TMEM117: variants seen among roughly 807,000 people sequenced by gnomAD.
TMEM117 encodes transmembrane protein 117.
Under a neutral mutation model 52.4 loss-of-function variants are expected in TMEM117, and 27 were observed. That is an observed-to-expected ratio of 0.51 (90% CI 0.38 to 0.71). TMEM117 has a LOEUF of 0.71. TMEM117 is among the 30% of genes least tolerant of loss of function. The probability of loss-of-function intolerance (pLI) is 0.00; values close to 1 mark genes in which losing one functional copy is unlikely to be tolerated. For missense variants in TMEM117, 556 were observed against 630.5 expected (o/e 0.88, Z 1.26); for synonymous variants, 215 against 206.3 (o/e 1.04, Z -0.36).
intron 6 of TMEM117, among the ~76,000 whole-genome samples, chr12:44,325,326 G>A (rs1420029078): frequency 6.6e-6 from 1 of 152,060 alleles, no homozygotes; most frequent in East Asian, 1.9e-4. Flanking sequence ...GGCAGACATT[G>A]GCCATTCATA....
At chr12:43,819,400 C>T in the TMEM117 span, among the ~76,000 whole-genome samples, 1 of 152,140 alleles carries the variant, frequency 6.6e-6, no homozygotes, top group African/African-American at 2.4e-5. Flanking sequence ...TATTGCATTT[C>T]CCCTTATGGT....
intron 5 of TMEM117, among the ~76,000 whole-genome samples, chr12:44,272,982 C>A (rs1156801022): frequency 1.3e-5 from 2 of 152,116 alleles, no homozygotes; most frequent in Non-Finnish European, 2.9e-5. Flanking sequence ...AAATGTCCAA[C>A]AATGATAGAT....
At chr12:44,088,743 A>G in intron 3 of TMEM117, among the ~76,000 whole-genome samples, 1 of 152,182 alleles carries the variant, frequency 6.6e-6, no homozygotes, top group East Asian at 1.9e-4. Context: ...CTGCTGCAGA[A>G]TTTACCTGGA....
chr12:44,143,490 A>C, intron 3 of TMEM117, 35 bp from the exon 4 acceptor site: 2 of 1,525,798 alleles, frequency 1.3e-6, no homozygotes, highest in Non-Finnish European at 1.8e-6. Flanking sequence ...TGACTCTCTG[A>C]GTCCGGACAA....
chr12:43,966,221 T>C (rs1466509805), intron 3 of TMEM117, among the ~76,000 whole-genome samples: 1 of 152,236 alleles, frequency 6.6e-6, no homozygotes, highest in African/African-American at 2.4e-5. Flanking sequence ...TCTTTCAATC[T>C]GTTTTCTCTT....
At chr12:44,382,086 T>C (rs1051693885) in intron 7 of TMEM117, among the ~76,000 whole-genome samples, 1 of 152,202 alleles carries the variant, frequency 6.6e-6, no homozygotes, top group Admixed American at 6.6e-5. Context: ...GTTAACTATG[T>C]TTACTTCTAT....
chr12:44,319,518 C>T (rs1336770330), intron 6 of TMEM117, among the ~76,000 whole-genome samples: 1 of 152,172 alleles, frequency 6.6e-6, no homozygotes, highest in Admixed American at 6.5e-5. Flanking sequence ...CTGGGACGTC[C>T]TTCACTGTCT....
intron 3 of TMEM117, among the ~76,000 whole-genome samples, chr12:43,984,685 T>C (rs1945817334): frequency 6.6e-6 from 1 of 152,322 alleles, no homozygotes; most frequent in Non-Finnish European, 1.5e-5. Context: ...TTAAACAATT[T>C]GGATGTAATG....
Position 43,997,202 on chromosome 12 carries a change from G to C in TMEM117, c.410+52860G>C, listed in dbSNP as rs190419085. Among the ~76,000 whole-genome samples the C allele has an allele frequency of 1.9e-4, 29 of 152,312 alleles. No individual in the cohort carries two copies. The East Asian group carries it at 4.8e-3, about 25-fold the overall frequency. ...CCAGATATATTTGACTCCAAAACCT[G>C]CATATGCAACCATTAAGATTCATAG... is the stretch of plus-strand genomic sequence containing the variant. On this transcript the variant is annotated intron_variant, in intron 3 of 7. Coordinates refer to ENST00000266534, the MANE Select transcript of TMEM117 (RefSeq NM_032256.3).
intron 3 of TMEM117, among the ~76,000 whole-genome samples, chr12:43,980,960 T>C (rs1348848655): frequency 6.6e-6 from 1 of 152,192 alleles, no homozygotes; most frequent in African/African-American, 2.4e-5. Flanking sequence ...AAGGTTGGTT[T>C]CTGGAGACAG....
intron 3 of TMEM117, among the ~76,000 whole-genome samples, chr12:44,090,398 T>TTTTA (rs199595783): frequency 0.022 from 2,762 of 123,142 alleles, 34 homozygotes; most frequent in Non-Finnish European, 0.026. Context: ...TTATCTTACT[T>TTTTA]TTTATTTATT....
intron 3 of TMEM117, among the ~76,000 whole-genome samples, chr12:43,949,108 A>T (rs1434360432): frequency 3.3e-5 from 5 of 152,238 alleles, no homozygotes; most frequent in African/African-American, 1.2e-4. Context: ...GATCTGCAGC[A>T]AACTGGATTT....
chr12:44,154,917 T>C (rs1462672053), intron 4 of TMEM117, among the ~76,000 whole-genome samples: 3 of 152,038 alleles, frequency 2.0e-5, no homozygotes, highest in South Asian at 2.1e-4. Context: ...ACAACTTCAA[T>C]TGACTATTTC....
chr12:43,951,638 C>T (rs1945224241), intron 3 of TMEM117, among the ~76,000 whole-genome samples: 1 of 152,198 alleles, frequency 6.6e-6, no homozygotes, highest in Admixed American at 6.5e-5. Context: ...ACTGAACTCT[C>T]ATCTCCCTGG....
chr12:44,352,446 T>A (rs1951577417), intron 6 of TMEM117, among the ~76,000 whole-genome samples: 1 of 151,982 alleles, frequency 6.6e-6, no homozygotes, highest in South Asian at 2.1e-4. Context: ...CCCTCCCCAC[T>A]TTCCCCACCC....
At chr12:43,809,645 A>T in the TMEM117 span, among the ~76,000 whole-genome samples, 47 of 152,316 alleles carry the variant, frequency 3.1e-4, 1 homozygote, top group Non-Finnish European at 6.0e-4. Flanking sequence ...TCCAAAGTTG[A>T]TTTCTTATAT....
chr12:44,170,487 A>G (rs1425231460), intron 4 of TMEM117, among the ~76,000 whole-genome samples: 1 of 152,182 alleles, frequency 6.6e-6, no homozygotes, highest in African/African-American at 2.4e-5. Flanking sequence ...ACCAATTCCA[A>G]TGTCATGAAG....
At chr12:44,036,232 T>C (rs1565801687) in intron 3 of TMEM117, among the ~76,000 whole-genome samples, 1 of 152,176 alleles carries the variant, frequency 6.6e-6, no homozygotes, top group African/African-American at 2.4e-5. Context: ...AAAGTAAATA[T>C]AGAAAGAAGT....
intron 3 of TMEM117, among the ~76,000 whole-genome samples, chr12:44,068,294 C>T (rs1947252178): frequency 6.6e-6 from 1 of 152,168 alleles, no homozygotes; most frequent in Non-Finnish European, 1.5e-5. Context: ...TAATTTCCTT[C>T]AAGAACATTT....
Sources: gnomAD v4.1 joint callset for allele counts (sites outside exome capture counted in the v4.1 genomes callset) on GRCh38, gnomAD v4.1.1 for gene constraint, MANE v1.5 for transcripts, NCBI Gene and HGNC (gene_info 2026-07-23, HGNC 2026-07-21) for gene names.